Variants in GC observed in about 807,000 individuals in gnomAD.
GC encodes the protein vitamin D-binding protein.
Under a neutral mutation model 56.7 loss-of-function variants are expected in GC, and 43 were observed. That is an observed-to-expected ratio of 0.76 (90% CI 0.59 to 0.98). The LOEUF is 0.98. Among genes scored for constraint, GC ranks in the 50% least tolerant of loss-of-function variants. GC has a pLI of 0.00. For synonymous variants in GC, 216 were observed against 202.7 expected (o/e 1.07, Z -0.56); for missense variants, 529 against 545.9 (o/e 0.97, Z 0.31).
chr4:71,773,945 G>T (rs1361558215), intron 1 of GC, among the ~76,000 whole-genome samples: 1 of 151,946 alleles, frequency 6.6e-6, no homozygotes, highest in Non-Finnish European at 1.5e-5. Flanking sequence ...AATATGGTTT[G>T]CAGTGTTTAT....
chr4:71,760,999 C>G (rs114816426), intron 6 of GC, among the ~76,000 whole-genome samples: 5 of 151,990 alleles, frequency 3.3e-5, no homozygotes, highest in African/African-American at 4.8e-5. Context: ...ACCAGGAGTG[C>G]GGTGCTGCTG....
chr4:71,765,692 G>A, intron 3 of GC, 49 bp from the exon 4 acceptor site: 1 of 1,131,622 alleles, frequency 8.8e-7, no homozygotes, highest in South Asian at 1.3e-5. Context: ...AAATTTCCAG[G>A]CTTTTAGACT....
upstream of GC, among the ~76,000 whole-genome samples, chr4:71,784,734 C>G (rs1742791399): frequency 2.0e-5 from 3 of 151,682 alleles, no homozygotes; most frequent in South Asian, 6.2e-4. Context: ...GGTTAAATGG[C>G]TCACCACTGC....
chr4:71,746,559 A>G (rs538927938), intron 11 of GC, among the ~76,000 whole-genome samples: 19 of 151,950 alleles, frequency 1.3e-4, no homozygotes, highest in Non-Finnish European at 2.4e-4. Context: ...CTTGAACTCT[A>G]AAGCCTGATG....
chr4:71,788,808 C>A (rs1311134726), upstream of GC, among the ~76,000 whole-genome samples: 1 of 151,894 alleles, frequency 6.6e-6, no homozygotes, highest in African/African-American at 2.4e-5. Context: ...GGCAGCTACA[C>A]CTCTTTCCAC....
At chr4:71,749,131 G>A (rs1383359781) in intron 11 of GC, among the ~76,000 whole-genome samples, 1 of 152,126 alleles carries the variant, frequency 6.6e-6, no homozygotes, top group Non-Finnish European at 1.5e-5. Flanking sequence ...AATTGAAATA[G>A]CAGAGGATTT....
In GC at chr4:71,763,482, T is replaced by A. The variant is rs765263877; in HGVS notation, c.627A>T (p.Leu209Phe). 28 of 1,599,508 alleles carry A rather than the reference T, an allele frequency of 1.8e-5. No homozygotes were observed. In the South Asian group the frequency reaches 3.0e-4, roughly 17 times the overall value. The change falls in exon 6 of 13, where the codon TTA (leucine) becomes TTT (phenylalanine). Residue 209 changes from leucine (L) to phenylalanine (F), a missense_variant. By Grantham distance (22) the Leu-to-Phe change is conservative (BLOSUM62 0). Transcript: ENST00000273951. ...FLKERLQLKHLSLLTTLSNRV... is the reference protein window; with the variant it reads ...FLKERLQLKHFSLLTTLSNRV... ...TATTTGACAGAGTGGTGAGAAGTGATAAATGTTTAAGCTGGAGTCTCTAGA... is the reference window on the plus strand; with the variant it reads ...TATTTGACAGAGTGGTGAGAAGTGAAAAATGTTTAAGCTGGAGTCTCTAGA...
intron 10 of GC, among the ~76,000 whole-genome samples, chr4:71,753,585 A>T (rs1477040879): frequency 6.6e-5 from 10 of 152,078 alleles, no homozygotes; most frequent in African/African-American, 2.4e-4. Flanking sequence ...GACTTTCCCC[A>T]AGAACCCAGT....
In GC at chr4:71,792,204, T is replaced by A. The variant is rs190036083; in HGVS notation, c.22-8150A>T. Among the ~76,000 whole-genome samples the A allele has an allele frequency of 9.2e-5, 14 of 152,324 alleles. No homozygotes were observed. The East Asian group carries it at 2.7e-3, about 29-fold the overall frequency. Reference sequence around the variant, plus strand: ...CCAGTAATGGGATGGCTGAGTCAAATGGTATTTCCAGTTCTAGATCCTTGA... The same window carrying A: ...CCAGTAATGGGATGGCTGAGTCAAAAGGTATTTCCAGTTCTAGATCCTTGA... On this transcript the variant is annotated intron_variant, in intron 1 of 13. Transcript: ENST00000504199.
chr4:71,782,917 T>C (rs1184277832), intron 1 of GC, among the ~76,000 whole-genome samples: 1 of 151,770 alleles, frequency 6.6e-6, no homozygotes, highest in Non-Finnish European at 1.5e-5. Flanking sequence ...GGGAAAGACT[T>C]TGTAGTCTTA....
chr4:71,743,201 AAT>A (rs1741245264), intron 12 of GC, among the ~76,000 whole-genome samples: 1 of 152,164 alleles, frequency 6.6e-6, no homozygotes, highest in Admixed American at 6.5e-5. Flanking sequence ...TAGGGATCGG[AAT>A]ACCTTGAGAC....
intron 1 of GC, among the ~76,000 whole-genome samples, chr4:71,774,738 G>T (rs564149666): frequency 1.3e-5 from 2 of 151,916 alleles, no homozygotes; most frequent in Non-Finnish European, 2.9e-5. Flanking sequence ...TATGAGGTTT[G>T]TGGTTATCAC....
In GC at chr4:71,741,851, T is replaced by G; in HGVS notation, c.*45A>C. 2 of 702,998 alleles carry G rather than the reference T, an allele frequency of 2.8e-6. No individual in the cohort carries two copies. Among genetic ancestry groups the G allele is most frequent in the Non-Finnish European group, 5.2e-6 (2 of 384,994 alleles). The allele number at this position is 702,998 out of a possible 1,614,324, so 43.5% of individuals were successfully genotyped here. A position where few individuals can be genotyped will look rare whatever the true frequency, so the allele number is the denominator to read the frequency against. ...GTTAGGTCATCAGAGATCATTCCCC[T>G]GGGTGGCTCCAACTCTGGTCTATGA... is the stretch of plus-strand genomic sequence containing the variant. On this transcript the variant is annotated 3_prime_UTR_variant, in exon 13 of 13. Transcript: ENST00000273951.
chr4:71,758,233 T>C, intron 6 of GC, 62 bp from the exon 7 acceptor site: 1 of 1,427,116 alleles, frequency 7.0e-7, no homozygotes, highest in Non-Finnish European at 9.8e-7. Flanking sequence ...GGTTTCGTGA[T>C]GAACGCACTA....
chr4:71,798,052 T>C (rs1041882808), intron 1 of GC, among the ~76,000 whole-genome samples: 1 of 152,236 alleles, frequency 6.6e-6, no homozygotes, highest in Non-Finnish European at 1.5e-5. Context: ...TCTCTGTTCT[T>C]CAGTTGGGAT....
chr4:71,746,583 C>T (rs558529338), intron 11 of GC, among the ~76,000 whole-genome samples: 16 of 151,772 alleles, frequency 1.1e-4, no homozygotes, highest in East Asian at 3.9e-4. Context: ...GATTCAGCCA[C>T]GGCAAGCCTG....
At chr4:71,769,502 G>T in intron 1 of GC, 102 bp from the exon 2 acceptor site, 1 of 777,668 alleles carries the variant, frequency 1.3e-6, no homozygotes. Flanking sequence ...TACAATGAAA[G>T]TCGTATTTTC....
chr4:71,768,475 G>GT (rs375061055), intron 2 of GC, 42 bp from the exon 3 acceptor site: 113,844 of 1,134,510 alleles, frequency 0.1, no homozygotes, highest in South Asian at 0.12. Context: ...GAACTGAAAG[G>GT]TTTTTTTTTT....
intron 11 of GC, among the ~76,000 whole-genome samples, chr4:71,750,607 G>A (rs1437617471): frequency 1.3e-5 from 2 of 152,104 alleles, no homozygotes; most frequent in African/African-American, 4.8e-5. Context: ...CCTTCTGGCC[G>A]GGCGCAGTGG....
Sources: allele counts gnomAD v4.1 joint callset (sites outside exome capture counted in the v4.1 genomes callset), GRCh38; gene constraint gnomAD v4.1.1; transcripts MANE v1.5; gene names NCBI Gene and HGNC (gene_info 2026-07-23, HGNC 2026-07-21).